MARCHF1: variants seen among roughly 807,000 people sequenced by gnomAD.
MARCHF1 encodes membrane associated ring-CH-type finger 1.
MARCHF1 carries 40 observed loss-of-function variants against 54.2 expected under a neutral mutation model. The ratio of observed to expected loss-of-function variants is 0.74; its 90% CI spans 0.57 to 0.96. The LOEUF is 0.96. MARCHF1 is among the 40% of genes least tolerant of loss of function. The probability of loss-of-function intolerance (pLI) is 0.00; values close to 1 mark genes in which losing one functional copy is unlikely to be tolerated. For missense variants in MARCHF1, 586 were observed against 656.5 expected (o/e 0.89, Z 1.17); for synonymous variants, 236 against 236.3 (o/e 1.00, Z 0.01).
chr4:163,584,413 A>T (rs1340932139), intron 8 of MARCHF1: 7 of 152,168 alleles, frequency 4.6e-5, no homozygotes, highest in Non-Finnish European at 1.0e-4. Context: ...CGTGGAGTAC[A>T]ATGTGCCATT....
intron 4 of MARCHF1, among the ~76,000 whole-genome samples, chr4:163,753,851 G>T: frequency 6.6e-6 from 1 of 152,092 alleles, no homozygotes; most frequent in Admixed American, 6.6e-5. Flanking sequence ...CATAAACACT[G>T]GCATTATTGT....
chr4:164,068,803 A>C (rs1455855978), intron 2 of MARCHF1, among the ~76,000 whole-genome samples: 1 of 152,188 alleles, frequency 6.6e-6, no homozygotes, highest in Non-Finnish European at 1.5e-5. Context: ...CACTGGGTGA[A>C]GCCAGCTGGG....
chr4:163,796,852 T>C (rs183050218), intron 4 of MARCHF1, among the ~76,000 whole-genome samples: 48 of 152,308 alleles, frequency 3.2e-4, no homozygotes, highest in African/African-American at 1.1e-3. Flanking sequence ...TCCTGAATTA[T>C]AAATGTCCTA....
At chr4:164,086,553 T>C (rs997775796) in intron 2 of MARCHF1, among the ~76,000 whole-genome samples, 2 of 152,032 alleles carry the variant, frequency 1.3e-5, no homozygotes, top group Non-Finnish European at 2.9e-5. Context: ...CTGAACTCTT[T>C]GTTCTACCCA....
chr4:164,201,835 T>A (rs567964881), intron 1 of MARCHF1, among the ~76,000 whole-genome samples: 193 of 152,226 alleles, frequency 1.3e-3, no homozygotes, highest in Non-Finnish European at 2.4e-3. Flanking sequence ...AATTCCTTAG[T>A]ATAATGTATA....
At chr4:163,701,323 A>AT (rs905663753) in intron 4 of MARCHF1, among the ~76,000 whole-genome samples, 1 of 151,982 alleles carries the variant, frequency 6.6e-6, no homozygotes, top group African/African-American at 2.4e-5. Flanking sequence ...CATTTTATTT[A>AT]TTTTTTGTTA....
chr4:163,711,447 C>G (rs990789165), intron 4 of MARCHF1, among the ~76,000 whole-genome samples: 6 of 130,934 alleles, frequency 4.6e-5, no homozygotes, highest in African/African-American at 1.7e-4. Context: ...GTTCCCCACC[C>G]TGATCTGTGC....
intron 3 of MARCHF1, among the ~76,000 whole-genome samples, chr4:163,924,090 T>C (rs904816778): frequency 6.6e-5 from 10 of 152,076 alleles, no homozygotes; most frequent in African/African-American, 1.7e-4. Flanking sequence ...AGAACTGTGC[T>C]TGATGCATGG....
chr4:163,719,036 TTTTA>T (rs1745354654), intron 4 of MARCHF1, among the ~76,000 whole-genome samples: 1 of 152,188 alleles, frequency 6.6e-6, no homozygotes, highest in African/African-American at 2.4e-5. Flanking sequence ...AGCTCATCTT[TTTTA>T]TTTATTATAC....
intron 8 of MARCHF1, among the ~76,000 whole-genome samples, chr4:163,554,377 G>A (rs1232696846): frequency 1.3e-5 from 2 of 152,192 alleles, no homozygotes. Context: ...AGAGTCAGAG[G>A]CCAAGGGAAC....
chr4:163,932,914 C>T, intron 3 of MARCHF1: 1 of 640,300 alleles, frequency 1.6e-6, no homozygotes, highest in Non-Finnish European at 3.0e-6. Context: ...GCTGAAGCTG[C>T]ATGTGGTAAT....
intron 1 of MARCHF1, among the ~76,000 whole-genome samples, chr4:164,157,537 C>A (rs1183827606): frequency 1.3e-5 from 2 of 152,152 alleles, no homozygotes; most frequent in Non-Finnish European, 2.9e-5. Context: ...CAGAAACATG[C>A]TGTTTTGCAG....
chr4:163,557,050 C>T (rs746699510), intron 8 of MARCHF1, among the ~76,000 whole-genome samples: 7 of 152,134 alleles, frequency 4.6e-5, no homozygotes, highest in Non-Finnish European at 1.0e-4. Flanking sequence ...TTGCTTTAAA[C>T]TGCTCTCCCT....
intron 8 of MARCHF1, among the ~76,000 whole-genome samples, chr4:163,552,116 A>T (rs941310190): frequency 6.6e-6 from 1 of 152,234 alleles, no homozygotes; most frequent in Non-Finnish European, 1.5e-5. Context: ...TCCACCAGTG[A>T]TAATCATTTG....
rs528203864 is a variant in MARCHF1, at chr4:163,963,463, G to A, written c.-39+25038C>T. On this transcript the variant is annotated intron_variant, in intron 3 of 9. Coordinates refer to ENST00000514618, the MANE Select transcript of MARCHF1 (RefSeq NM_001394959.1). ...AGTGAATTACAGTTTATAAAGGGAA[G>A]TTTTATGGATCATTGAAAGGTGAAG... Among the ~76,000 whole-genome samples, 440 of 152,010 alleles carry A rather than the reference G, an allele frequency of 2.9e-3. 2 individuals carry two copies. The highest frequency in any genetic ancestry group is 4.2e-3 in the Non-Finnish European group (285 of 67,900).
chr4:164,009,758 A>G (rs1753377288), intron 2 of MARCHF1, among the ~76,000 whole-genome samples: 1 of 151,508 alleles, frequency 6.6e-6, no homozygotes, highest in Admixed American at 6.6e-5. Context: ...AATGGTAAAG[A>G]AAAAAAAAGC....
chr4:164,091,862 T>TTG lies in MARCHF1; in HGVS notation c.-248+19724_-248+19725dup, dbSNP rs56160451. On this transcript the variant is annotated intron_variant, in intron 2 of 9. Coordinates refer to ENST00000514618, the MANE Select transcript of MARCHF1 (RefSeq NM_001394959.1). ...TGAAATGGGAAGTATATGTATACTT[T>TTG]TGTGTGTGTGTGTGTGTGTGTGTGT... Among the ~76,000 whole-genome samples the TTG allele has an allele frequency of 3.6e-3, 540 of 148,642 alleles. 2 individuals carry two copies. The highest frequency in any genetic ancestry group is 9.8e-3 in the African/African-American group (395 of 40,370).
intron 3 of MARCHF1, among the ~76,000 whole-genome samples, chr4:163,876,277 T>C (rs1750287304): frequency 6.6e-6 from 1 of 152,156 alleles, no homozygotes; most frequent in Admixed American, 6.6e-5. Flanking sequence ...CTTCAGAATT[T>C]GTTCTGTCAT....
chr4:163,847,107 G>A (rs1010778731), intron 4 of MARCHF1, among the ~76,000 whole-genome samples: 2 of 152,166 alleles, frequency 1.3e-5, no homozygotes, highest in Non-Finnish European at 2.9e-5. Flanking sequence ...AATGGCCTAT[G>A]AGTAACAAGA....
Sources: allele counts gnomAD v4.1 joint callset (sites outside exome capture counted in the v4.1 genomes callset), GRCh38; gene constraint gnomAD v4.1.1; transcripts MANE v1.5; gene names NCBI Gene and HGNC (gene_info 2026-07-23, HGNC 2026-07-21).